EYA1: variants seen among roughly 807,000 people sequenced by gnomAD.
The protein encoded by EYA1 is protein phosphatase EYA1.
EYA1 carries 16 observed loss-of-function variants against 82.0 expected under a neutral mutation model. The ratio of observed to expected loss-of-function variants is 0.20; its 90% confidence interval spans 0.13 to 0.30. The LOEUF (loss-of-function observed/expected upper bound fraction) is 0.30. Among genes scored for constraint, EYA1 ranks in the 10% least tolerant of loss-of-function variants. EYA1 has a pLI of 1.00. For missense variants in EYA1, 633 were observed against 730.7 expected (o/e 0.87, Z 1.54); for synonymous variants, 261 against 264.4 (o/e 0.99, Z 0.12).
chr8:71,210,555 T>C (rs562252278), intron 17 of EYA1, among the ~76,000 whole-genome samples: 2 of 152,246 alleles, frequency 1.3e-5, no homozygotes, highest in East Asian at 3.9e-4. Context: ...AGAGAAATGA[T>C]AGAATTACAC....
At chr8:71,302,580 T>C (rs1563428613) in intron 7 of EYA1, among the ~76,000 whole-genome samples, 2 of 144,348 alleles carry the variant, frequency 1.4e-5, no homozygotes, top group African/African-American at 4.9e-5. Flanking sequence ...CTTTGGAGAC[T>C]TAATGCAACT....
intron 2 of EYA1, among the ~76,000 whole-genome samples, chr8:71,419,649 T>A (rs540720374): frequency 1.2e-4 from 19 of 152,296 alleles, no homozygotes; most frequent in African/African-American, 4.3e-4. Flanking sequence ...ATTCTTTCTA[T>A]TTTTTATTAT....
chr8:71,504,191 A>G (rs1812021931), intron 2 of EYA1, among the ~76,000 whole-genome samples: 1 of 152,252 alleles, frequency 6.6e-6, no homozygotes, highest in African/African-American at 2.4e-5. Flanking sequence ...ATTTGAATTT[A>G]AAATTTAAAA....
chr8:71,299,503 C>A, intron 8 of EYA1, 135 bp downstream of exon 8: 1 of 724,888 alleles, frequency 1.4e-6, no homozygotes, highest in Non-Finnish European at 2.4e-6. Flanking sequence ...CAAAAGACTG[C>A]TAAAGTGAAT....
intron 11 of EYA1, among the ~76,000 whole-genome samples, chr8:71,248,068 T>C (rs934953855): frequency 1.3e-5 from 2 of 152,232 alleles, no homozygotes; most frequent in Non-Finnish European, 2.9e-5. Context: ...TCTTCATAAA[T>C]TACAGTAATG....
chr8:71,365,978 C>T (rs1827728995), upstream of EYA1, among the ~76,000 whole-genome samples: 1 of 152,046 alleles, frequency 6.6e-6, no homozygotes, highest in Non-Finnish European at 1.5e-5. Context: ...TTAGCTGTAC[C>T]ATGGAAAATT....
chr8:71,541,650 C>A (rs1237990166), intron 1 of EYA1, among the ~76,000 whole-genome samples: 1 of 152,106 alleles, frequency 6.6e-6, no homozygotes, highest in East Asian at 1.9e-4. Context: ...TGATGGCACA[C>A]CCATAAGGGA....
In EYA1 at chr8:71,329,318, A is replaced by G. The variant is rs191753826; in HGVS notation, c.202+4779T>C. ...AAAAATTATTTTAAACCATTCCTTTACTGATACTCTCAATTTTCTTAATTT... is the reference window on the plus strand; with the variant it reads ...AAAAATTATTTTAAACCATTCCTTTGCTGATACTCTCAATTTTCTTAATTT... On this transcript the variant is annotated intron_variant, in intron 4 of 17. Transcript: ENST00000340726. 3.0e-3 allele frequency among the ~76,000 whole-genome samples: 460 copies of G among 152,192 alleles called. 2 individuals are homozygous for G. Among genetic ancestry groups the G allele is most frequent in the Middle Eastern group, 0.014 (4 of 292 alleles).
At chr8:71,302,696 G>C (rs1463662993) in intron 7 of EYA1, among the ~76,000 whole-genome samples, 4 of 141,762 alleles carry the variant, frequency 2.8e-5, no homozygotes, top group Middle Eastern at 3.5e-3. Flanking sequence ...CACTCCACCT[G>C]CCTTCACATA....
chr8:71,221,200 G>C (rs888627935), intron 12 of EYA1, among the ~76,000 whole-genome samples: 1 of 152,142 alleles, frequency 6.6e-6, no homozygotes, highest in African/African-American at 2.4e-5. Flanking sequence ...CCGATAAAAT[G>C]GTGGCCTACT....
At chr8:71,373,144 AGAG>A (rs1209591750) in intron 2 of EYA1, among the ~76,000 whole-genome samples, 1 of 152,132 alleles carries the variant, frequency 6.6e-6, no homozygotes. Flanking sequence ...AAGAGCAGTC[AGAG>A]AAGAAAGAGA....
At chr8:71,499,992 T>C (rs986276285) in intron 2 of EYA1, among the ~76,000 whole-genome samples, 1 of 152,120 alleles carries the variant, frequency 6.6e-6, no homozygotes, top group Non-Finnish European at 1.5e-5. Flanking sequence ...AAATGAGGAA[T>C]GATGGGGCTG....
At chr8:71,355,962 G>A (rs1826830736) in intron 2 of EYA1, among the ~76,000 whole-genome samples, 1 of 152,048 alleles carries the variant, frequency 6.6e-6, no homozygotes, top group South Asian at 2.1e-4. Flanking sequence ...AACTTTGTAT[G>A]TTTTTCTAAG....
chr8:71,217,040 A>T lies in EYA1; in HGVS notation c.1141-17T>A, dbSNP rs755685211. The T allele has an allele frequency of 5.0e-6, 8 of 1,594,498 alleles. No individual in the cohort carries two copies. The African/African-American group carries it at 1.1e-4, about 21-fold the overall frequency. ...GTCACATTCCTAAAATGCAATTAAA[A>T]TGATACATGTCAATTTTTTAAGAGT... On this transcript the variant is annotated splice_polypyrimidine_tract_variant and intron_variant, in intron 12 of 17. Transcript: ENST00000340726.
chr8:71,341,061 T>A (rs1449408287), intron 3 of EYA1, among the ~76,000 whole-genome samples: 1 of 152,240 alleles, frequency 6.6e-6, no homozygotes, highest in African/African-American at 2.4e-5. Flanking sequence ...AGTTATGTTA[T>A]TTTGAAAAGT....
At chr8:71,231,400 T>C (rs1811179722) in intron 12 of EYA1, among the ~76,000 whole-genome samples, 1 of 152,164 alleles carries the variant, frequency 6.6e-6, no homozygotes, top group South Asian at 2.1e-4. Flanking sequence ...GCACTCTCTG[T>C]GTGTTCTGTG....
intron 17 of EYA1, 60 bp downstream of exon 17, chr8:71,211,096 T>G (rs999467518): frequency 9.8e-7 from 1 of 1,021,014 alleles, no homozygotes; most frequent in African/African-American, 1.6e-5. Flanking sequence ...GATCCAGTTA[T>G]GAGAATACTG....
intron 3 of EYA1, among the ~76,000 whole-genome samples, chr8:71,348,940 G>C (rs1192099950): frequency 1.3e-5 from 2 of 152,146 alleles, no homozygotes; most frequent in African/African-American, 4.8e-5. Flanking sequence ...CATTTACTCT[G>C]AGCAGCAGCA....
chr8:71,312,781 T>G (rs769641383), intron 7 of EYA1, among the ~76,000 whole-genome samples: 1 of 152,232 alleles, frequency 6.6e-6, no homozygotes, highest in African/African-American at 2.4e-5. Flanking sequence ...TTAAATAAGA[T>G]GTCACAAGGG....
Sources: allele counts gnomAD v4.1 joint callset (sites outside exome capture counted in the v4.1 genomes callset), GRCh38; gene constraint gnomAD v4.1.1; transcripts MANE v1.5; gene names NCBI Gene and HGNC (gene_info 2026-07-23, HGNC 2026-07-21).